Variants in MGMT observed in about 807,000 individuals in gnomAD.
MGMT encodes the protein O-6-methylguanine-DNA methyltransferase.
A neutral mutation model predicts 15.9 loss-of-function variants in MGMT; 14 were observed. The observed-to-expected ratio is 0.88, with a 90% CI of 0.58 to 1.37. The LOEUF (loss-of-function observed/expected upper bound fraction) is 1.37. Ranked by LOEUF, MGMT falls within the 40% of genes most tolerant of loss-of-function variation. The pLI, the probability that MGMT is intolerant of heterozygous loss-of-function variation, is 0.00. For synonymous variants in MGMT, 130 were observed against 118.2 expected (o/e 1.10, Z -0.65); for missense variants, 282 against 268.1 (o/e 1.05, Z -0.36).
intron 2 of MGMT, among the ~76,000 whole-genome samples, chr10:129,635,051 G>A (rs1215070637): frequency 1.3e-5 from 2 of 152,192 alleles, no homozygotes; most frequent in African/African-American, 2.4e-5. Flanking sequence ...GCAGTGTACT[G>A]AGGCCAGCCC....
chr10:129,616,319 G>C (rs920115837), intron 2 of MGMT, among the ~76,000 whole-genome samples: 2 of 152,222 alleles, frequency 1.3e-5, no homozygotes, highest in African/African-American at 4.8e-5. Context: ...GAGCCGGAGA[G>C]GCCGCCCAGG....
chr10:129,512,425 C>T (rs568420657), intron 1 of MGMT, among the ~76,000 whole-genome samples: 2 of 152,260 alleles, frequency 1.3e-5, no homozygotes, highest in Admixed American at 6.5e-5. Context: ...CCACCTGAGG[C>T]GTGTTCAACA....
At position 129,752,187 on chromosome 10, in the gene MGMT, C is replaced by T. The variant is rs148088013; in HGVS notation, c.275-7015C>T. Among the ~76,000 whole-genome samples, 83 of 152,098 alleles carry T rather than the reference C, an allele frequency of 5.5e-4. 1 individual carries two copies. Among genetic ancestry groups the T allele is most frequent in the Non-Finnish European group, 2.4e-4 (16 of 67,856 alleles). ...TGAAATCTGTTGTAAGACACATATA[C>T]ATTTAGAATTGATGATTTCTTTTTG... On this transcript the variant is annotated intron_variant, in intron 3 of 4. Coordinates refer to ENST00000651593, the MANE Select transcript of MGMT (RefSeq NM_002412.5).
At chr10:129,673,131 C>T (rs1847743738) in intron 2 of MGMT, among the ~76,000 whole-genome samples, 1 of 152,108 alleles carries the variant, frequency 6.6e-6, no homozygotes, top group South Asian at 2.1e-4. Flanking sequence ...GTCTGTTGCC[C>T]CAGGGCAGTC....
intron 2 of MGMT, among the ~76,000 whole-genome samples, chr10:129,692,656 G>A (rs989095): frequency 0.19 from 29,370 of 152,150 alleles, 3,023 homozygotes; most frequent in East Asian, 0.3. Flanking sequence ...CTGTGGGTCC[G>A]GGTGTGGCGT....
chr10:129,510,676 A>G (rs1239075188), intron 1 of MGMT, among the ~76,000 whole-genome samples: 1 of 152,216 alleles, frequency 6.6e-6, no homozygotes, highest in Non-Finnish European at 1.5e-5. Flanking sequence ...TAAGAAATAG[A>G]TGATGGGTTC....
chr10:129,551,425 A>G (rs917353160), intron 2 of MGMT, among the ~76,000 whole-genome samples: 2 of 152,082 alleles, frequency 1.3e-5, no homozygotes, highest in Admixed American at 1.3e-4. Context: ...TAGGTGGGGC[A>G]GAGGGAGGGA....
chr10:129,609,923 T>C (rs1589892189), intron 2 of MGMT, among the ~76,000 whole-genome samples: 1 of 151,634 alleles, frequency 6.6e-6, no homozygotes, highest in Admixed American at 6.6e-5. Flanking sequence ...GAAAGGAGGG[T>C]GGAAGTGCAG....
chr10:129,746,002 C>T (rs949628280), intron 3 of MGMT, among the ~76,000 whole-genome samples: 1 of 151,862 alleles, frequency 6.6e-6, no homozygotes, highest in Non-Finnish European at 1.5e-5. Context: ...TTTGGGAGGC[C>T]AAGGGGGCGG....
chr10:129,695,116 A>G (rs886161023), intron 2 of MGMT, among the ~76,000 whole-genome samples: 1 of 152,036 alleles, frequency 6.6e-6, no homozygotes, highest in Non-Finnish European at 1.5e-5. Context: ...TCCATTTAAT[A>G]GTTGCTGAGG....
intron 3 of MGMT, among the ~76,000 whole-genome samples, chr10:129,756,796 C>T (rs1848812413): frequency 6.6e-6 from 1 of 152,214 alleles, no homozygotes; most frequent in South Asian, 2.1e-4. Flanking sequence ...ATGGTTGCCC[C>T]TTTGGGCCAC....
intron 2 of MGMT, among the ~76,000 whole-genome samples, chr10:129,609,028 C>T (rs1846927671): frequency 6.6e-6 from 1 of 152,346 alleles, no homozygotes; most frequent in South Asian, 2.1e-4. Context: ...GGAGACAAAG[C>T]CTTCTCTCCT....
At chr10:129,470,595 T>A (rs1845219342) in intron 1 of MGMT, among the ~76,000 whole-genome samples, 1 of 152,150 alleles carries the variant, frequency 6.6e-6, no homozygotes, top group Non-Finnish European at 1.5e-5. Flanking sequence ...CGGAAAGGAA[T>A]CAAACACTGA....
chr10:129,515,569 T>A (rs1460041362), intron 1 of MGMT, among the ~76,000 whole-genome samples: 3 of 152,200 alleles, frequency 2.0e-5, no homozygotes, highest in Non-Finnish European at 4.4e-5. Context: ...ACAGAGTGTA[T>A]TGCGGATATT....
chr10:129,649,694 G>A (rs1847435195), intron 2 of MGMT, among the ~76,000 whole-genome samples: 1 of 152,182 alleles, frequency 6.6e-6, no homozygotes, highest in Admixed American at 6.5e-5. Context: ...TATAAATCTG[G>A]AAGATGTAAA....
Position 129,646,754 on chromosome 10 carries a change from A to ATTTTTTTTTTTTTTTT in MGMT, c.126-61137_126-61136insTTTTTTTTTTTTTTTT, listed in dbSNP as rs1554873525. On this transcript the variant is annotated intron_variant, in intron 2 of 4. Transcript: ENST00000651593. ...TATATATATATATATATATATATATATTTTCAGGGAATGGTAGAGAACAGT... is the reference window on the plus strand; with the variant it reads ...TATATATATATATATATATATATATATTTTTTTTTTTTTTTTTTTTCAGGGAATGGTAGAGAACAGT... Among the ~76,000 whole-genome samples, 35 of 86,638 alleles carry ATTTTTTTTTTTTTTTT rather than the reference A, an allele frequency of 4.0e-4. 1 individual carries two copies. The highest frequency in any genetic ancestry group is 1.2e-3 in the African/African-American group (31 of 25,492). The allele number at this position is 86,638 out of a possible 152,430, so 56.8% of individuals were successfully genotyped here. A position where few individuals can be genotyped will look rare whatever the true frequency, so the allele number is the denominator to read the frequency against.
At chr10:129,657,709 A>ACACACG (rs1847545148) in intron 2 of MGMT, among the ~76,000 whole-genome samples, 1 of 145,056 alleles carries the variant, frequency 6.9e-6, no homozygotes, top group Non-Finnish European at 1.5e-5. Context: ...ACACACACGC[A>ACACACG]CACACACACA....
chr10:129,733,266 G>A (rs1212709466), intron 3 of MGMT, among the ~76,000 whole-genome samples: 16 of 149,252 alleles, frequency 1.1e-4, no homozygotes, highest in Non-Finnish European at 2.2e-4. Context: ...GGTGTGAGAC[G>A]GTATCTCATT....
chr10:129,755,425 A>G (rs1442184561), intron 3 of MGMT, among the ~76,000 whole-genome samples: 1 of 152,216 alleles, frequency 6.6e-6, no homozygotes, highest in Non-Finnish European at 1.5e-5. Context: ...GCCACAGCAC[A>G]GCTACTGAGA....
Sources: gnomAD v4.1 joint callset for allele counts (sites outside exome capture counted in the v4.1 genomes callset) on GRCh38, gnomAD v4.1.1 for gene constraint, MANE v1.5 for transcripts, NCBI Gene and HGNC (gene_info 2026-07-23, HGNC 2026-07-21) for gene names.